RFX4: variants seen among roughly 807,000 people sequenced by gnomAD.
RFX4 encodes transcription factor RFX4.
Under a neutral mutation model 95.0 loss-of-function variants are expected in RFX4, and 10 were observed. That is an observed-to-expected ratio of 0.11 (90% CI 0.06 to 0.18). RFX4 has a LOEUF of 0.18. Ranked by LOEUF, RFX4 falls within the 10% of genes least tolerant of loss-of-function variation. RFX4 has a pLI of 1.00. For synonymous variants in RFX4, 321 were observed against 340.7 expected, an observed-to-expected ratio of 0.94 and a Z score of 0.64; for missense variants, 640 against 922.0, an observed-to-expected ratio of 0.69 and a Z score of 3.96.
chr12:106,639,600 G>A (rs1026523651), intron 3 of RFX4, among the ~76,000 whole-genome samples: 24 of 152,128 alleles, frequency 1.6e-4, no homozygotes, highest in African/African-American at 5.8e-4. Context: ...TTATTTTAGG[G>A]TAGATGTTTT....
At chr12:106,611,006 G>C (rs914721099) in intron 2 of RFX4, among the ~76,000 whole-genome samples, 3 of 151,750 alleles carry the variant, frequency 2.0e-5, no homozygotes, top group Non-Finnish European at 4.4e-5. Flanking sequence ...TTTAATAATA[G>C]CCATTCTAAT....
chr12:106,684,318 G>A (rs1418091046), intron 5 of RFX4, among the ~76,000 whole-genome samples: 2 of 152,194 alleles, frequency 1.3e-5, no homozygotes, highest in Non-Finnish European at 2.9e-5. Flanking sequence ...AGTGAGCCAC[G>A]ATTGCACCAC....
chr12:106,718,954 C>CAA lies in RFX4; in HGVS notation c.1139-989_1139-988dup, dbSNP rs34996369. Reference sequence around the variant, plus strand: ...TGAAACCCCGTCTGTACTAAAGATACAAAAAAAAAAAAAAAAAATTAGCCG... The same window carrying CAA: ...TGAAACCCCGTCTGTACTAAAGATACAAAAAAAAAAAAAAAAAAAATTAGCCG... On this transcript the variant is annotated intron_variant, in intron 11 of 17. Transcript: ENST00000392842. 6.6e-3 allele frequency among the ~76,000 whole-genome samples: 707 copies of CAA among 107,636 alleles called. 5 individuals carry two copies. The highest frequency in any genetic ancestry group is 0.023 in the African/African-American group (622 of 27,382). 70.6% of individuals were successfully genotyped at this position (107,636 alleles called of 152,430 possible).
At chr12:106,722,308 C>A (rs2137533797) in intron 13 of RFX4, among the ~76,000 whole-genome samples, 1 of 152,340 alleles carries the variant, frequency 6.6e-6, no homozygotes, top group East Asian at 1.9e-4. Flanking sequence ...ACACAGCGAG[C>A]ATCCTCTCCA....
intron 8 of RFX4, among the ~76,000 whole-genome samples, chr12:106,698,695 C>CT (rs1220479747): frequency 6.6e-6 from 1 of 151,024 alleles, no homozygotes; most frequent in Non-Finnish European, 1.5e-5. Flanking sequence ...TGTTCCCTCT[C>CT]TTCTTTTTTT....
intron 8 of RFX4, among the ~76,000 whole-genome samples, chr12:106,697,997 A>G (rs2041913488): frequency 6.7e-6 from 1 of 149,970 alleles, no homozygotes; most frequent in African/African-American, 2.5e-5. Flanking sequence ...TTTGAGACGG[A>G]GTTTTGCTCT....
chr12:106,686,761 G>A (rs1565979392), intron 5 of RFX4, 123 bp from the exon 6 acceptor site: 3 of 810,818 alleles, frequency 3.7e-6, no homozygotes, highest in Non-Finnish European at 6.0e-6. Context: ...AGGTAGGATG[G>A]CCCCAGCTTT....
intron 1 of RFX4, among the ~76,000 whole-genome samples, chr12:106,589,579 C>T (rs2039509626): frequency 6.6e-6 from 1 of 152,202 alleles, no homozygotes; most frequent in Non-Finnish European, 1.5e-5. Context: ...GAGGTCTCAA[C>T]TGGTACATGG....
At chr12:106,724,030 C>T (rs955904321) in intron 13 of RFX4, among the ~76,000 whole-genome samples, 9 of 152,054 alleles carry the variant, frequency 5.9e-5, no homozygotes, top group African/African-American at 2.2e-4. Context: ...TATTGAGGGC[C>T]GAATATACTT....
chr12:106,674,386 A>G (rs1329169681), intron 4 of RFX4, among the ~76,000 whole-genome samples: 2 of 149,794 alleles, frequency 1.3e-5, no homozygotes, highest in Non-Finnish European at 3.0e-5. Flanking sequence ...GCTGGAGTGC[A>G]GCGGTGTGAT....
intron 17 of RFX4, among the ~76,000 whole-genome samples, chr12:106,752,131 G>C (rs1418268349): frequency 1.3e-5 from 2 of 150,624 alleles, no homozygotes; most frequent in African/African-American, 2.4e-5. Flanking sequence ...GTAAGGAAGG[G>C]ATCCAGTTTC....
chr12:106,607,119 T>C (rs2039852622), intron 1 of RFX4, among the ~76,000 whole-genome samples: 2 of 152,276 alleles, frequency 1.3e-5, no homozygotes, highest in African/African-American at 4.8e-5. Flanking sequence ...AAGAAGGCAA[T>C]GGGAAACCAC....
chr12:106,628,124 A>G (rs2040341727), intron 2 of RFX4, among the ~76,000 whole-genome samples: 1 of 152,062 alleles, frequency 6.6e-6, no homozygotes, highest in African/African-American at 2.4e-5. Flanking sequence ...CCTCACCTCC[A>G]TGCCCACAGT....
intron 2 of RFX4, among the ~76,000 whole-genome samples, chr12:106,613,156 G>T (rs956550586): frequency 6.6e-6 from 1 of 151,158 alleles, no homozygotes; most frequent in African/African-American, 2.4e-5. Context: ...TGCTTTTTCT[G>T]CATCAGTTGA....
In RFX4 at chr12:106,732,065, C is replaced by T. The variant is rs546323724; in HGVS notation, c.1352-65C>T. The stretch of plus-strand genomic sequence containing the variant: ...AACACTGTGTAACTTGTGCAGTTGA[C>T]CAGACAGAGGGGGCATACACGAGAC... On this transcript the variant is annotated intron_variant, in intron 13 of 17. Coordinates refer to ENST00000392842, the MANE Select transcript of RFX4 (RefSeq NM_213594.3). 4.4e-6 allele frequency: 7 copies of T among 1,588,274 alleles called. No homozygotes were observed. In the Admixed American group the frequency reaches 1.0e-4, roughly 23 times the overall value.
intron 11 of RFX4, among the ~76,000 whole-genome samples, chr12:106,715,983 C>A (rs1351181777): frequency 1.3e-5 from 2 of 152,166 alleles, no homozygotes; most frequent in African/African-American, 4.8e-5. Flanking sequence ...CGTTAAATGT[C>A]TGAGAAGCAG....
chr12:106,614,014 C>T (rs1227813573), intron 2 of RFX4, among the ~76,000 whole-genome samples: 1 of 152,164 alleles, frequency 6.6e-6, no homozygotes, highest in Non-Finnish European at 1.5e-5. Context: ...TCCTTGCCAA[C>T]ATTTGGGATA....
chr12:106,665,414 T>C (rs1479662586), intron 4 of RFX4, among the ~76,000 whole-genome samples: 1 of 151,892 alleles, frequency 6.6e-6, no homozygotes, highest in African/African-American at 2.4e-5. Context: ...CAACATATAG[T>C]TGGATCTTGT....
At chr12:106,628,524 C>G (rs1238908945) in intron 2 of RFX4, among the ~76,000 whole-genome samples, 2 of 152,114 alleles carry the variant, frequency 1.3e-5, no homozygotes, top group African/African-American at 4.8e-5. Context: ...GGATGCCCCT[C>G]CCCTATAGGG....
Sources: allele counts gnomAD v4.1 joint callset (sites outside exome capture counted in the v4.1 genomes callset), GRCh38; gene constraint gnomAD v4.1.1; transcripts MANE v1.5; gene names NCBI Gene and HGNC (gene_info 2026-07-23, HGNC 2026-07-21).